Variants in TMEM177 observed in about 807,000 individuals in gnomAD.
TMEM177 encodes the protein transmembrane protein 177.
Under a neutral mutation model 14.2 loss-of-function variants are expected in TMEM177, and 4 were observed. The ratio of observed to expected loss-of-function variants is 0.28; its 90% CI spans 0.14 to 0.64. TMEM177 has a LOEUF of 0.64. Among genes scored for constraint, TMEM177 ranks in the 30% least tolerant of loss-of-function variants. The probability of loss-of-function intolerance (pLI) is 0.82; values close to 1 mark genes in which losing one functional copy is unlikely to be tolerated. For missense variants in TMEM177, 344 were observed against 405.2 expected (o/e 0.85, Z 1.30); for synonymous variants, 179 against 174.5 (o/e 1.03, Z -0.20).
chr2:119,722,994 A>C, the TMEM177 span, among the ~76,000 whole-genome samples: 89 of 152,326 alleles, frequency 5.8e-4, 1 homozygote, highest in African/African-American at 2.1e-3. Context: ...TTCCTAGACT[A>C]CACATCTATG....
the TMEM177 span, among the ~76,000 whole-genome samples, chr2:119,700,707 T>C: frequency 6.6e-6 from 1 of 152,210 alleles, no homozygotes; most frequent in Non-Finnish European, 1.5e-5. Flanking sequence ...ACCTGGCCTA[T>C]GGTAAAATGG....
At chr2:119,699,588 C>T in the TMEM177 span, among the ~76,000 whole-genome samples, 1 of 152,218 alleles carries the variant, frequency 6.6e-6, no homozygotes, top group African/African-American at 2.4e-5. Flanking sequence ...GGGCCAGGCT[C>T]CTCCCCACTG....
the TMEM177 span, among the ~76,000 whole-genome samples, chr2:119,717,630 A>G: frequency 4.0e-5 from 3 of 74,656 alleles, no homozygotes; most frequent in Non-Finnish European, 8.4e-5. Context: ...TTTTTTTGAG[A>G]CAGAGTCTTG....
At chr2:119,706,071 C>T in the TMEM177 span, among the ~76,000 whole-genome samples, 1 of 143,120 alleles carries the variant, frequency 7.0e-6, no homozygotes, top group Non-Finnish European at 1.5e-5. Context: ...GTCACCCAGG[C>T]TGGAGTGCAG....
the TMEM177 span, among the ~76,000 whole-genome samples, chr2:119,692,897 G>A: frequency 0.027 from 3,985 of 149,690 alleles, 56 homozygotes; most frequent in Non-Finnish European, 0.032. Flanking sequence ...GCTTGAACCC[G>A]GGAGGCAGAG....
chr2:119,702,415 C>A, the TMEM177 span, among the ~76,000 whole-genome samples: 1 of 152,148 alleles, frequency 6.6e-6, no homozygotes, highest in Non-Finnish European at 1.5e-5. Context: ...CCAGGAACAT[C>A]TCAGCAGTGA....
the TMEM177 span, chr2:119,698,515 T>A: frequency 0.026 from 4,020 of 152,484 alleles, 56 homozygotes; most frequent in Non-Finnish European, 0.032. Context: ...AGCAAGTTAT[T>A]GGCTCACTGG....
the TMEM177 span, among the ~76,000 whole-genome samples, chr2:119,692,558 C>T: frequency 1.8e-3 from 270 of 152,360 alleles, 1 homozygote; most frequent in African/African-American, 6.1e-3. Context: ...TGAAGCTTCC[C>T]TTTGGCCTGT....
chr2:119,718,374 A>C, the TMEM177 span, among the ~76,000 whole-genome samples: 1 of 152,250 alleles, frequency 6.6e-6, no homozygotes, highest in East Asian at 1.9e-4. Context: ...TGACCTCTTT[A>C]AATGGGGACT....
the TMEM177 span, among the ~76,000 whole-genome samples, chr2:119,719,478 C>T: frequency 6.6e-6 from 1 of 152,138 alleles, no homozygotes; most frequent in Non-Finnish European, 1.5e-5. Flanking sequence ...GCCCCGGCCT[C>T]GTCAGTGACT....
At chr2:119,689,086 A>G (rs1049835619), downstream of TMEM177, among the ~76,000 whole-genome samples, 5 of 152,184 alleles carry the variant, frequency 3.3e-5, no homozygotes, top group African/African-American at 9.7e-5. Context: ...TCACACCTGT[A>G]CTGTGGTCTG....
rs1374962664 is a variant in TMEM177, at chr2:119,681,940, A to C, written c.*151A>C. 1.5e-6 allele frequency: 1 copy of C among 669,964 alleles called. No homozygotes were observed. The highest frequency in any genetic ancestry group is 2.9e-5 in the Admixed American group (1 of 34,242). 41.5% of individuals were successfully genotyped at this position (669,964 alleles called of 1,614,324 possible). A position where few individuals can be genotyped will look rare whatever the true frequency, so the allele number is the denominator to read the frequency against. ...TAGCTTAGATTGTACTATAACCACT[A>C]CTTATGAACTCAGGGACTATGAGGG... On this transcript the variant is annotated 3_prime_UTR_variant, in exon 2 of 2. Transcript: ENST00000272521.
the TMEM177 span, among the ~76,000 whole-genome samples, chr2:119,720,252 T>A: frequency 1.2e-4 from 18 of 152,286 alleles, no homozygotes; most frequent in East Asian, 3.5e-3. Flanking sequence ...TTGTCTTTAC[T>A]TAAAATTTTG....
the TMEM177 span, among the ~76,000 whole-genome samples, chr2:119,704,903 C>T: frequency 6.6e-6 from 1 of 152,170 alleles, no homozygotes; most frequent in Non-Finnish European, 1.5e-5. Context: ...TGGTTCTGTG[C>T]CCAGGTCCTG....
chr2:119,698,746 C>T, the TMEM177 span: 1 of 152,870 alleles, frequency 6.5e-6, no homozygotes, highest in Non-Finnish European at 1.5e-5. Context: ...CCTGTGATCC[C>T]AGCACTTTGG....
At chr2:119,718,271 C>T in the TMEM177 span, among the ~76,000 whole-genome samples, 15 of 152,206 alleles carry the variant, frequency 9.9e-5, no homozygotes, top group Non-Finnish European at 7.3e-5. Context: ...GCTGAAATCA[C>T]CATTACGCTC....
chr2:119,699,914 T>G, the TMEM177 span: 2 of 449,308 alleles, frequency 4.5e-6, no homozygotes, highest in Non-Finnish European at 8.9e-6. Context: ...AATGCTGAAC[T>G]TAAGGGTTTA....
chr2:119,702,714 T>C, the TMEM177 span, among the ~76,000 whole-genome samples: 2 of 152,280 alleles, frequency 1.3e-5, no homozygotes, highest in East Asian at 3.9e-4. Flanking sequence ...GCATAAAGAT[T>C]GCACTGGGTG....
the TMEM177 span, chr2:119,699,905 A>G: frequency 2.2e-6 from 1 of 457,076 alleles, no homozygotes. Context: ...GCAGAGAGCA[A>G]TGCTGAACTT....
Sources: gnomAD v4.1 joint callset for allele counts (sites outside exome capture counted in the v4.1 genomes callset) on GRCh38, gnomAD v4.1.1 for gene constraint, MANE v1.5 for transcripts, NCBI Gene and HGNC (gene_info 2026-07-23, HGNC 2026-07-21) for gene names.